CDH13: variants seen among roughly 807,000 people sequenced by gnomAD.
CDH13 encodes cadherin-13.
Under a neutral mutation model 63.8 loss-of-function variants are expected in CDH13, and 24 were observed. The observed-to-expected ratio is 0.38, with a 90% CI of 0.27 to 0.53. The LOEUF is 0.53. Among genes scored for constraint, CDH13 ranks in the 20% least tolerant of loss-of-function variants. CDH13 has a pLI of 0.85. For missense variants in CDH13, 1,049 were observed against 903.1 expected (o/e 1.16, Z -2.07); for synonymous variants, 503 against 355.3 (o/e 1.42, Z -4.67).
In CDH13 at chr16:83,217,361, G is replaced by T. The variant is rs781438437; in HGVS notation, c.500G>T (p.Arg167Met). The change falls in exon 5 of 14, where the codon AGG becomes ATG. Residue 167 changes from arginine to methionine, a missense_variant. By Grantham distance (91) the Arg-to-Met change is moderately conservative. Coordinates refer to ENST00000567109, the MANE Select transcript of CDH13 (RefSeq NM_001257.5). The stretch of plus-strand genomic sequence containing the variant: ...TCTGACTAGGTAGTCGATAGTGACA[G>T]GCCAGAAAGGTCCAAGTTCCGGCTC... ...RDVGKVVDSD[R>M]PERSKFRLTG... 6.2e-7 allele frequency: 1 copy of T among 1,613,834 alleles called. No homozygotes were observed. The highest frequency in any genetic ancestry group is 1.3e-5 in the African/African-American group (1 of 74,928).
At chr16:82,992,322 A>T (rs1384149649) in intron 2 of CDH13, among the ~76,000 whole-genome samples, 1 of 152,218 alleles carries the variant, frequency 6.6e-6, no homozygotes, top group African/African-American at 2.4e-5. Context: ...GGATGTTTGT[A>T]AATGTTTTTA....
At chr16:82,973,449 T>G (rs1349499775) in intron 2 of CDH13, among the ~76,000 whole-genome samples, 1 of 152,246 alleles carries the variant, frequency 6.6e-6, no homozygotes, top group Non-Finnish European at 1.5e-5. Context: ...CACTGTTCAC[T>G]GTTCAATTTA....
At chr16:82,858,531 G>C in intron 2 of CDH13, 58 bp downstream of exon 2, 1 of 1,016,034 alleles carries the variant, frequency 9.8e-7, no homozygotes, top group Non-Finnish European at 1.6e-6. Context: ...ATTTACTAAT[G>C]TTTATGACTG....
intron 2 of CDH13, among the ~76,000 whole-genome samples, chr16:82,888,544 C>T (rs1597146273): frequency 6.6e-6 from 1 of 152,318 alleles, no homozygotes; most frequent in East Asian, 1.9e-4. Flanking sequence ...GGACAGAAAG[C>T]CTCCTCCATG....
At chr16:82,901,751 T>A (rs936104047) in intron 2 of CDH13, among the ~76,000 whole-genome samples, 2 of 152,186 alleles carry the variant, frequency 1.3e-5, no homozygotes, top group South Asian at 2.1e-4. Context: ...ACGAACCATA[T>A]ACCAGGCCCT....
intron 1 of CDH13, among the ~76,000 whole-genome samples, chr16:82,639,991 A>G (rs1255495001): frequency 6.6e-6 from 1 of 152,246 alleles, no homozygotes; most frequent in Non-Finnish European, 1.5e-5. Flanking sequence ...CAATATCTCA[A>G]GCACAATTCT....
intron 4 of CDH13, among the ~76,000 whole-genome samples, chr16:83,167,889 A>T (rs28380431): frequency 0.07 from 10,599 of 152,118 alleles, 712 homozygotes; most frequent in African/African-American, 0.17. Context: ...TAAAATCACA[A>T]GCTTTGCAGC....
At chr16:83,497,539 A>T (rs1255148089) in intron 7 of CDH13, among the ~76,000 whole-genome samples, 1 of 149,538 alleles carries the variant, frequency 6.7e-6, no homozygotes, top group Non-Finnish European at 1.5e-5. Flanking sequence ...AAGGGATAGC[A>T]TTGGGAGAAA....
chr16:82,640,114 A>C (rs947847079), intron 1 of CDH13, among the ~76,000 whole-genome samples: 7 of 152,220 alleles, frequency 4.6e-5, no homozygotes, highest in Admixed American at 3.3e-4. Context: ...TAAATATGGT[A>C]GTTTTGCGTA....
At chr16:83,134,141 T>C (rs1409632091) in intron 4 of CDH13, among the ~76,000 whole-genome samples, 1 of 152,230 alleles carries the variant, frequency 6.6e-6, no homozygotes, top group African/African-American at 2.4e-5. Flanking sequence ...GGCCACCAGA[T>C]AAATTGCTTG....
chr16:82,887,154 A>T (rs1342796050), intron 2 of CDH13, among the ~76,000 whole-genome samples: 1 of 152,142 alleles, frequency 6.6e-6, no homozygotes, highest in African/African-American at 2.4e-5. Flanking sequence ...CCAAAGATTT[A>T]TCTTCACCAA....
intron 1 of CDH13, among the ~76,000 whole-genome samples, chr16:82,705,774 G>T (rs995631617): frequency 6.6e-6 from 1 of 152,192 alleles, no homozygotes; most frequent in East Asian, 1.9e-4. Flanking sequence ...ATTCTGGAGA[G>T]AAGATAGACT....
chr16:82,840,524 A>G (rs1425103865), intron 1 of CDH13, among the ~76,000 whole-genome samples: 1 of 151,852 alleles, frequency 6.6e-6, no homozygotes, highest in African/African-American at 2.4e-5. Context: ...CTCTACTAAA[A>G]ACACGAAAGA....
chr16:83,379,849 T>C (rs1055662762), intron 6 of CDH13, among the ~76,000 whole-genome samples: 1 of 151,272 alleles, frequency 6.6e-6, no homozygotes, highest in Non-Finnish European at 1.5e-5. Context: ...TATATAAATA[T>C]ATAACCCAAT....
chr16:83,654,980 C>G (rs1912737552), intron 8 of CDH13: 1 of 152,260 alleles, frequency 6.6e-6, no homozygotes, highest in Non-Finnish European at 1.5e-5. Context: ...CTTCCTGGCA[C>G]ATGGGATGCA....
intron 2 of CDH13, among the ~76,000 whole-genome samples, chr16:82,866,001 C>T (rs189083706): frequency 1.3e-5 from 2 of 152,274 alleles, no homozygotes; most frequent in East Asian, 3.9e-4. Flanking sequence ...CCTAAATCAC[C>T]TCTCTCAAGT....
chr16:83,037,594 G>A (rs1354302132), intron 3 of CDH13, among the ~76,000 whole-genome samples: 1 of 152,204 alleles, frequency 6.6e-6, no homozygotes, highest in Admixed American at 6.5e-5. Context: ...AGAAATGTTA[G>A]GGAAAGACGT....
At chr16:82,658,928 G>A (rs1280693366) in intron 1 of CDH13, among the ~76,000 whole-genome samples, 1 of 152,154 alleles carries the variant, frequency 6.6e-6, no homozygotes, top group Admixed American at 6.5e-5. Context: ...GGTTCTCAAG[G>A]GGGTGGATTT....
intron 2 of CDH13, among the ~76,000 whole-genome samples, chr16:83,004,895 G>A (rs1597392291): frequency 6.6e-6 from 1 of 152,312 alleles, no homozygotes; most frequent in East Asian, 1.9e-4. Flanking sequence ...GATGGAGATG[G>A]CACTTGTCAT....
Sources: gnomAD v4.1 joint callset for allele counts (sites outside exome capture counted in the v4.1 genomes callset) on GRCh38, gnomAD v4.1.1 for gene constraint, MANE v1.5 for transcripts, NCBI Gene and HGNC (gene_info 2026-07-23, HGNC 2026-07-21) for gene names.